Variants in SCHIP1 observed in about 807,000 individuals in gnomAD.
SCHIP1 encodes schwannomin-interacting protein 1.
SCHIP1 carries 8 observed loss-of-function variants against 29.7 expected under a neutral mutation model. That is an observed-to-expected ratio of 0.27 (90% CI 0.16 to 0.49). SCHIP1 has a LOEUF of 0.49. SCHIP1 is among the 20% of genes least tolerant of loss of function. SCHIP1 has a pLI of 0.99. For missense variants in SCHIP1, 193 were observed against 294.6 expected (o/e 0.66, Z 2.52); for synonymous variants, 76 against 94.9 (o/e 0.80, Z 1.16).
chr3:159,411,950 A>G, the SCHIP1 span, among the ~76,000 whole-genome samples: 1 of 152,206 alleles, frequency 6.6e-6, no homozygotes, highest in Admixed American at 6.5e-5. Context: ...AAATCAGGCC[A>G]TGAAATTAGG....
At chr3:159,662,569 T>G in the SCHIP1 span, among the ~76,000 whole-genome samples, 1 of 152,224 alleles carries the variant, frequency 6.6e-6, no homozygotes, top group African/African-American at 2.4e-5. Flanking sequence ...AAGCTACTTT[T>G]GCTTAATTGG....
At chr3:159,323,608 G>A in the SCHIP1 span, among the ~76,000 whole-genome samples, 9 of 152,226 alleles carry the variant, frequency 5.9e-5, no homozygotes, top group East Asian at 1.7e-3. Context: ...ACTCTATTAA[G>A]CAATGCTGTA....
chr3:159,562,759 T>C, the SCHIP1 span, among the ~76,000 whole-genome samples: 2 of 152,150 alleles, frequency 1.3e-5, no homozygotes, highest in Non-Finnish European at 2.9e-5. Flanking sequence ...GGGAGACAAG[T>C]ATGAAAATTA....
chr3:159,519,185 G>A, the SCHIP1 span, among the ~76,000 whole-genome samples: 2 of 152,024 alleles, frequency 1.3e-5, no homozygotes, highest in Non-Finnish European at 1.5e-5. Flanking sequence ...TTTTAACATA[G>A]ATTTAAAGTA....
chr3:159,710,945 C>CA, the SCHIP1 span, among the ~76,000 whole-genome samples: 1 of 151,994 alleles, frequency 6.6e-6, no homozygotes, highest in Non-Finnish European at 1.5e-5. Flanking sequence ...ACAGCCAATG[C>CA]AAAAAGCAAG....
the SCHIP1 span, among the ~76,000 whole-genome samples, chr3:159,411,938 C>A: frequency 1.3e-5 from 2 of 152,072 alleles, no homozygotes; most frequent in Non-Finnish European, 2.9e-5. Flanking sequence ...AAGAGAAGAG[C>A]AAAATCAGGC....
chr3:159,891,994 C>G, intron 5 of SCHIP1, 103 bp from the exon 7 acceptor site: 1 of 1,261,048 alleles, frequency 7.9e-7, no homozygotes, highest in South Asian at 1.7e-5. Flanking sequence ...AATATCTTTC[C>G]TATTATGGGT....
the SCHIP1 span, among the ~76,000 whole-genome samples, chr3:159,567,201 C>CT: frequency 1.3e-5 from 2 of 151,942 alleles, no homozygotes; most frequent in Non-Finnish European, 2.9e-5. Context: ...TACATTGTTT[C>CT]TTTTTTTCCT....
chr3:159,684,848 A>C, the SCHIP1 span, among the ~76,000 whole-genome samples: 2 of 151,338 alleles, frequency 1.3e-5, no homozygotes, highest in East Asian at 3.9e-4. Context: ...AAAAAAAAAA[A>C]GCATCCTCTC....
chr3:159,494,624 C>A, the SCHIP1 span, among the ~76,000 whole-genome samples: 2 of 152,164 alleles, frequency 1.3e-5, no homozygotes, highest in South Asian at 2.1e-4. Flanking sequence ...AGCTTACTGA[C>A]CAAAAAAAGT....
At chr3:159,811,191 CA>C in the SCHIP1 span, among the ~76,000 whole-genome samples, 1 of 152,216 alleles carries the variant, frequency 6.6e-6, no homozygotes, top group African/African-American at 2.4e-5. Context: ...ATTCTGGATA[CA>C]AATCCTTTAC....
the SCHIP1 span, among the ~76,000 whole-genome samples, chr3:159,305,178 C>T: frequency 5.3e-5 from 8 of 152,188 alleles, no homozygotes; most frequent in African/African-American, 1.9e-4. Flanking sequence ...TCTCCACCCC[C>T]ACACCTGGCC....
chr3:159,791,482 G>A, the SCHIP1 span, among the ~76,000 whole-genome samples: 1 of 152,240 alleles, frequency 6.6e-6, no homozygotes, highest in Non-Finnish European at 1.5e-5. Context: ...GGGAGACAGA[G>A]TCCTGCTTGG....
the SCHIP1 span, among the ~76,000 whole-genome samples, chr3:159,378,988 A>G: frequency 6.6e-6 from 1 of 152,200 alleles, no homozygotes; most frequent in African/African-American, 2.4e-5. Flanking sequence ...CCAGTGGACA[A>G]TGGAGGCTTG....
chr3:159,366,046 TGGCTTTACA>T, the SCHIP1 span, among the ~76,000 whole-genome samples: 1 of 152,180 alleles, frequency 6.6e-6, no homozygotes, highest in African/African-American at 2.4e-5. Flanking sequence ...AATTGGCTCA[TGGCTTTACA>T]GGCTTTACAG....
the SCHIP1 span, among the ~76,000 whole-genome samples, chr3:159,344,344 T>C: frequency 6.7e-6 from 1 of 149,050 alleles, no homozygotes; most frequent in Non-Finnish European, 1.5e-5. Context: ...AAAAATTAAG[T>C]TGTATCTTGG....
chr3:159,513,828 G>C, the SCHIP1 span, among the ~76,000 whole-genome samples: 1 of 152,298 alleles, frequency 6.6e-6, no homozygotes, highest in East Asian at 1.9e-4. Flanking sequence ...GCAGGAGCCT[G>C]ATCAGCCTCC....
At chr3:159,596,402 G>C in the SCHIP1 span, among the ~76,000 whole-genome samples, 1 of 152,098 alleles carries the variant, frequency 6.6e-6, no homozygotes, top group Non-Finnish European at 1.5e-5. Context: ...GATTCCTCAA[G>C]GTTCTAGAAC....
the SCHIP1 span, among the ~76,000 whole-genome samples, chr3:159,296,595 G>A: frequency 9.9e-5 from 15 of 152,150 alleles, no homozygotes; most frequent in Admixed American, 3.9e-4. Context: ...CCAACATGGC[G>A]AAACCCCGTC....
Sources: allele counts gnomAD v4.1 joint callset (sites outside exome capture counted in the v4.1 genomes callset), GRCh38; gene constraint gnomAD v4.1.1; transcripts MANE v1.5; gene names NCBI Gene and HGNC (gene_info 2026-07-23, HGNC 2026-07-21).